The following PPFIA2 variants were observed in gnomAD, a reference collection of about 807,000 sequenced individuals.
PPFIA2 encodes the protein liprin-alpha-2.
A neutral mutation model predicts 175.5 loss-of-function variants in PPFIA2; 46 were observed. The ratio of observed to expected loss-of-function variants is 0.26; its 90% confidence interval spans 0.21 to 0.34. The LOEUF (loss-of-function observed/expected upper bound fraction) is 0.34. PPFIA2 is among the 10% of genes least tolerant of loss of function. The pLI, the probability that PPFIA2 is intolerant of heterozygous loss-of-function variation, is 1.00. For synonymous variants in PPFIA2, 568 were observed against 511.4 expected, an observed-to-expected ratio of 1.11 and a Z score of -1.49; for missense variants, 1,179 against 1,506.1, an observed-to-expected ratio of 0.78 and a Z score of 3.60.
At chr12:81,384,724 C>T (rs539333694) in intron 8 of PPFIA2, among the ~76,000 whole-genome samples, 3 of 152,160 alleles carry the variant, frequency 2.0e-5, no homozygotes, top group Non-Finnish European at 4.4e-5. Flanking sequence ...AGAAGAATAA[C>T]TTACCAAATA....
chr12:81,566,530 CAAAAAAAAAAAAAAAAAAAAAAGAA>C (rs2071339307), intron 4 of PPFIA2, among the ~76,000 whole-genome samples: 1 of 68,456 alleles, frequency 1.5e-5, no homozygotes, highest in Non-Finnish European at 2.7e-5. Context: ...GACTCCAACT[CAAAAAAAAAAAAAAAAAAAAAAGAA>C]AAGAAAAGAA....
chr12:81,697,918 G>A (rs553987809), intron 3 of PPFIA2, among the ~76,000 whole-genome samples: 2 of 152,154 alleles, frequency 1.3e-5, no homozygotes, highest in African/African-American at 4.8e-5. Context: ...AAACAAACTA[G>A]ATATCATGTT....
At chr12:81,451,001 T>C (rs1426224554) in intron 5 of PPFIA2, among the ~76,000 whole-genome samples, 4 of 152,154 alleles carry the variant, frequency 2.6e-5, no homozygotes, top group Non-Finnish European at 5.9e-5. Flanking sequence ...TGGATCCATG[T>C]ATGTAAGTCC....
intron 3 of PPFIA2, among the ~76,000 whole-genome samples, chr12:81,723,238 G>T (rs2079587114): frequency 1.3e-5 from 2 of 150,932 alleles, no homozygotes; most frequent in Admixed American, 1.3e-4. Flanking sequence ...CTAGTTCACT[G>T]CACTCTTCCT....
intron 6 of PPFIA2, 91 bp downstream of exon 6, chr12:81,445,465 T>C: frequency 8.2e-7 from 1 of 1,224,368 alleles, no homozygotes; most frequent in Non-Finnish European, 1.1e-6. Context: ...TGACTGACTT[T>C]AGGAGTCAGG....
Position 81,557,802 on chromosome 12 carries a change from C to T in PPFIA2, c.304-99936G>A, listed in dbSNP as rs371905834. 2.2e-4 allele frequency among the ~76,000 whole-genome samples: 34 copies of T among 152,128 alleles called. No homozygotes were observed. The East Asian group carries it at 2.9e-3, about 13-fold the overall frequency. On this transcript the variant is annotated intron_variant, in intron 4 of 32. Transcript: ENST00000549396. ...CTCAAATTAAATGGCATTTAGCTCA[C>T]TAAATGTGTAATTTACTTAAAAGTA... is the stretch of plus-strand genomic sequence containing the variant.
chr12:81,312,085 T>C (rs2051052309), intron 22 of PPFIA2: 4 of 1,424,948 alleles, frequency 2.8e-6, no homozygotes, highest in Non-Finnish European at 3.8e-6. Flanking sequence ...CTCAAAAGAG[T>C]AATACTCTGA....
At chr12:81,593,594 A>G (rs1475746373) in intron 4 of PPFIA2, among the ~76,000 whole-genome samples, 4 of 152,322 alleles carry the variant, frequency 2.6e-5, no homozygotes, top group South Asian at 4.1e-4. Flanking sequence ...CGAAGCATAA[A>G]ATTTGTTTTG....
At chr12:81,530,818 T>G (rs149281376) in intron 4 of PPFIA2, among the ~76,000 whole-genome samples, 1 of 151,886 alleles carries the variant, frequency 6.6e-6, no homozygotes, top group East Asian at 1.9e-4. Flanking sequence ...TGGAATATTA[T>G]GTATTTGCAA....
chr12:81,745,222 A>T (rs1568105815), intron 3 of PPFIA2, among the ~76,000 whole-genome samples: 2 of 152,182 alleles, frequency 1.3e-5, no homozygotes, highest in Non-Finnish European at 2.9e-5. Flanking sequence ...TATAAAAGAG[A>T]CACAGCCCTA....
chr12:81,584,080 A>G (rs928750180), intron 4 of PPFIA2, among the ~76,000 whole-genome samples: 1 of 151,746 alleles, frequency 6.6e-6, no homozygotes, highest in African/African-American at 2.4e-5. Context: ...ATTTGTTTTA[A>G]CCTCTTATGC....
chr12:81,560,741 T>C (rs149635966), intron 4 of PPFIA2, among the ~76,000 whole-genome samples: 1 of 152,162 alleles, frequency 6.6e-6, no homozygotes, highest in Non-Finnish European at 1.5e-5. Flanking sequence ...AAAGGTCGTA[T>C]TTGGAATCGC....
chr12:81,574,392 G>T (rs900183676), intron 4 of PPFIA2, among the ~76,000 whole-genome samples: 1 of 151,566 alleles, frequency 6.6e-6, no homozygotes, highest in Non-Finnish European at 1.5e-5. Context: ...ATTTCAGATG[G>T]CTCATCAGTT....
chr12:81,312,595 C>T (rs2051212449), intron 22 of PPFIA2, among the ~76,000 whole-genome samples: 2 of 152,212 alleles, frequency 1.3e-5, no homozygotes, highest in Middle Eastern at 3.4e-3. Context: ...AAGCCTACTG[C>T]TAAGGCCCAA....
At chr12:81,467,386 A>C (rs2055867891) in intron 4 of PPFIA2, among the ~76,000 whole-genome samples, 1 of 150,190 alleles carries the variant, frequency 6.7e-6, no homozygotes, top group South Asian at 2.1e-4. Context: ...AGTTCTTAAA[A>C]GCTTTCTTAA....
rs138777224 is a variant in PPFIA2 at position 81,316,580 on chromosome 12, A to T, written c.2642+9197T>A. ...AAACATTGGAACATTATGTGTGGCT[A>T]ATTATATCAGAAAAAGTCAATTTTA... On this transcript the variant is annotated intron_variant, in intron 22 of 32. Coordinates refer to ENST00000549396, the MANE Select transcript of PPFIA2 (RefSeq NM_003625.5). Among the ~76,000 whole-genome samples, 729 of 151,642 alleles carry T rather than the reference A, an allele frequency of 4.8e-3. 4 individuals carry two copies. The highest frequency in any genetic ancestry group is 0.017 in the African/African-American group (699 of 41,486).
intron 7 of PPFIA2, among the ~76,000 whole-genome samples, chr12:81,416,528 C>T (rs1286039849): frequency 6.6e-6 from 1 of 151,618 alleles, no homozygotes; most frequent in African/African-American, 2.4e-5. Flanking sequence ...AATAACTTCT[C>T]ACCTCCTTGA....
intron 3 of PPFIA2, among the ~76,000 whole-genome samples, chr12:81,699,366 T>C: frequency 6.6e-6 from 1 of 151,860 alleles, no homozygotes; most frequent in East Asian, 1.9e-4. Context: ...ATTTTCATGA[T>C]TTCAATATTG....
At chr12:81,332,255 T>G (rs1377973757) in intron 21 of PPFIA2, among the ~76,000 whole-genome samples, 1 of 152,052 alleles carries the variant, frequency 6.6e-6, no homozygotes, top group Non-Finnish European at 1.5e-5. Context: ...TAACTTGATC[T>G]TTGGTGCTAA....
Sources: gnomAD v4.1 joint callset for allele counts (sites outside exome capture counted in the v4.1 genomes callset) on GRCh38, gnomAD v4.1.1 for gene constraint, MANE v1.5 for transcripts, NCBI Gene and HGNC (gene_info 2026-07-23, HGNC 2026-07-21) for gene names.